FAT4: variants seen among roughly 807,000 people sequenced by gnomAD.
The protein encoded by FAT4 is FAT atypical cadherin 4.
Under a neutral mutation model 303.9 loss-of-function variants are expected in FAT4, and 84 were observed. That is an observed-to-expected ratio of 0.28 (90% CI 0.23 to 0.33). FAT4 has a LOEUF of 0.33. FAT4 is among the 10% of genes least tolerant of loss of function. The probability of loss-of-function intolerance (pLI) is 1.00; values close to 1 mark genes in which losing one functional copy is unlikely to be tolerated. For missense variants in FAT4, 6,005 were observed against 6,146.8 expected, an observed-to-expected ratio of 0.98 and a Z score of 0.77; for synonymous variants, 2,307 against 2,298.8, an observed-to-expected ratio of 1.00 and a Z score of -0.10.
intron 10 of FAT4, among the ~76,000 whole-genome samples, chr4:125,459,871 T>C (rs1467016041): frequency 6.6e-6 from 1 of 152,108 alleles, no homozygotes; most frequent in East Asian, 1.9e-4. Context: ...ATACTCATTA[T>C]GCTATTAACA....
intron 3 of FAT4, among the ~76,000 whole-genome samples, chr4:125,404,985 G>T (rs1333916906): frequency 6.6e-6 from 1 of 150,492 alleles, no homozygotes; most frequent in African/African-American, 2.4e-5. Flanking sequence ...GACCAGAAGT[G>T]TCTCAAATTC....
At chr4:125,487,739 A>G in intron 17 of FAT4, 133 bp downstream of exon 17, 3 of 898,688 alleles carry the variant, frequency 3.3e-6, no homozygotes, top group Non-Finnish European at 4.6e-6. Flanking sequence ...AATAAAATTT[A>G]TGTTTAAAAA....
At chr4:125,360,697 T>G (rs2125984613) in intron 2 of FAT4, among the ~76,000 whole-genome samples, 1 of 152,192 alleles carries the variant, frequency 6.6e-6, no homozygotes, top group Admixed American at 6.6e-5. Flanking sequence ...TGCACTTAAT[T>G]GTAGTCATCC....
intron 2 of FAT4, among the ~76,000 whole-genome samples, chr4:125,351,204 T>A (rs1246326903): frequency 1.3e-5 from 2 of 151,756 alleles, no homozygotes; most frequent in Non-Finnish European, 3.0e-5. Flanking sequence ...TTTTCTAATT[T>A]TAGGATTAAA....
At chr4:125,389,307 G>A (rs1016983659) in intron 2 of FAT4, among the ~76,000 whole-genome samples, 1 of 151,944 alleles carries the variant, frequency 6.6e-6, no homozygotes, top group African/African-American at 2.4e-5. Context: ...TTCCCATATT[G>A]TATGTTACTT....
chr4:125,318,086 G>A lies in FAT4; in HGVS notation c.1675G>A (p.Val559Ile), dbSNP rs771441309. ...VLNISARDQG[V>I]HPKVSYAQLV... is the part of the protein sequence containing the mutation. ...GAATATAAGTGCCCGGGACCAGGGA[G>A]TTCACCCCAAGGTGTCCTATGCCCA... Residue 559 changes from valine to isoleucine, a missense_variant, in exon 2 of 18, where the codon GTT becomes ATT. Transcript: ENST00000394329. The A allele has an allele frequency of 1.9e-6, 3 of 1,614,050 alleles. No homozygotes were observed. In the South Asian group the frequency reaches 3.3e-5, roughly 18 times the overall value.
chr4:125,363,562 C>G (rs2125986637), intron 2 of FAT4, among the ~76,000 whole-genome samples: 1 of 151,740 alleles, frequency 6.6e-6, no homozygotes, highest in African/African-American at 2.4e-5. Context: ...GTGGTATGAT[C>G]TCGGCTCACT....
At chr4:125,478,630 C>G (rs992908818) in intron 14 of FAT4, among the ~76,000 whole-genome samples, 1 of 152,046 alleles carries the variant, frequency 6.6e-6, no homozygotes, top group African/African-American at 2.4e-5. Context: ...CTCCTGGGTT[C>G]AAGCAATTAT....
chr4:125,386,159 C>T (rs1733741131), intron 2 of FAT4, among the ~76,000 whole-genome samples: 1 of 152,164 alleles, frequency 6.6e-6, no homozygotes, highest in South Asian at 2.1e-4. Context: ...CTGGTTTTTA[C>T]ATCATTGAAT....
intron 5 of FAT4, among the ~76,000 whole-genome samples, chr4:125,412,916 G>C (rs1734900672): frequency 6.6e-6 from 1 of 151,638 alleles, no homozygotes; most frequent in South Asian, 2.1e-4. Flanking sequence ...AAAGAATGGG[G>C]ATTCAATATT....
Position 125,491,187 on chromosome 4 carries a change from A to T in FAT4, c.14371A>T (p.Ile4791Phe), listed in dbSNP as rs751534442. The T allele has an allele frequency of 6.2e-7, 1 of 1,614,044 alleles. No homozygotes were observed. The highest frequency in any genetic ancestry group is 8.5e-7 in the Non-Finnish European group (1 of 1,180,000). ...LESSPPVGLS[I>F]EEVERLNTPR... ...ATCTTCTCCTCCAGTCGGACTTTCT[A>T]TTGAAGAAGTGGAGAGGCTCAACAC... Residue 4791 changes from isoleucine to phenylalanine, a missense_variant, in exon 18 of 18, where the codon ATT becomes TTT. Physicochemically the swap from Ile to Phe is conservative, Grantham distance 21. Coordinates refer to ENST00000394329, the MANE Select transcript of FAT4 (RefSeq NM_001291303.3).
intron 8 of FAT4, among the ~76,000 whole-genome samples, chr4:125,436,429 G>A (rs1725454531): frequency 6.6e-6 from 1 of 152,140 alleles, no homozygotes; most frequent in Non-Finnish European, 1.5e-5. Flanking sequence ...AGATATGAGT[G>A]TGGAGCTTAG....
At chr4:125,478,601 G>A (rs904474270) in intron 14 of FAT4, among the ~76,000 whole-genome samples, 2 of 151,884 alleles carry the variant, frequency 1.3e-5, no homozygotes, top group African/African-American at 2.4e-5. Flanking sequence ...GCGGGATCTC[G>A]GCCCCCTGCA....
Position 125,320,367 on chromosome 4 carries a change from C to T in FAT4, c.3956C>T (p.Thr1319Ile). ...NDNTPSFPKS[T>I]LFVDVLENMR... is the part of the protein sequence containing the mutation. ...AATACCCCTTCTTTCCCTAAATCAA[C>T]ACTCTTTGTTGATGTTTTGGAAAAC... The change falls in exon 2 of 18, where the codon ACA becomes ATA. Residue 1319 changes from threonine to isoleucine, a missense_variant. By Grantham distance (89) the Thr-to-Ile change is moderately conservative (BLOSUM62 -1). Coordinates refer to ENST00000394329, the MANE Select transcript of FAT4 (RefSeq NM_001291303.3). 1 of 1,614,068 alleles carries T rather than the reference C, an allele frequency of 6.2e-7. No individual in the cohort carries two copies. The highest frequency in any genetic ancestry group is 8.5e-7 in the Non-Finnish European group (1 of 1,179,948).
chr4:125,333,108 C>T (rs1429535137), intron 2 of FAT4, among the ~76,000 whole-genome samples: 1 of 151,796 alleles, frequency 6.6e-6, no homozygotes, highest in Non-Finnish European at 1.5e-5. Context: ...ATAAGTGTTA[C>T]TAAAAATAAT....
chr4:125,463,778 A>G (rs1726564605), intron 11 of FAT4, 111 bp downstream of exon 11: 1 of 555,406 alleles, frequency 1.8e-6, no homozygotes, highest in Non-Finnish European at 3.1e-6. Context: ...TTTTACATGG[A>G]AGGTTTTATT....
chr4:125,337,193 A>G (rs1192483496), intron 2 of FAT4, among the ~76,000 whole-genome samples: 1 of 152,082 alleles, frequency 6.6e-6, no homozygotes, highest in African/African-American at 2.4e-5. Context: ...GCTGATCTAT[A>G]TCATAACTAG....
chr4:125,421,199 G>T (rs1020416863), intron 7 of FAT4, among the ~76,000 whole-genome samples: 1 of 152,138 alleles, frequency 6.6e-6, no homozygotes, highest in African/African-American at 2.4e-5. Context: ...CTAGGCGTGA[G>T]CCACTGCGCC....
Position 125,316,915 on chromosome 4 carries a change from T to C in FAT4, c.504T>C (p.Gly168=). The C allele has an allele frequency of 6.2e-7, 1 of 1,613,770 alleles. No homozygotes were observed. Among genetic ancestry groups the C allele is most frequent in the Non-Finnish European group, 8.5e-7 (1 of 1,179,960 alleles). Reference sequence around the variant, plus strand: ...CCGACTCGGACATCGGCTCAAACGGTGTGGACCACCGCTCCTACCGCATCA... The same window carrying C: ...CCGACTCGGACATCGGCTCAAACGGCGTGGACCACCGCTCCTACCGCATCA... ...TATDSDIGSN[G]VDHRSYRIIR... The change falls in exon 2 of 18, where the codon GGT becomes GGC. Residue 168 remains glycine, a synonymous_variant. Transcript: ENST00000394329. This position sits in a 1 kb window ranked among gnomAD's most constrained non-coding sequence, Gnocchi z 5.7.
Sources: allele counts gnomAD v4.1 joint callset (sites outside exome capture counted in the v4.1 genomes callset), GRCh38; gene constraint gnomAD v4.1.1; non-coding constraint Gnocchi (gnomAD v3.1); transcripts MANE v1.5; gene names NCBI Gene and HGNC (gene_info 2026-07-23, HGNC 2026-07-21).